CMIP: variants seen among roughly 807,000 people sequenced by gnomAD.
CMIP encodes c-Maf inducing protein.
A neutral mutation model predicts 97.3 loss-of-function variants in CMIP; 13 were observed. The ratio of observed to expected loss-of-function variants is 0.13; its 90% confidence interval spans 0.09 to 0.21. CMIP has a LOEUF of 0.21. Ranked by LOEUF, CMIP falls within the 10% of genes least tolerant of loss-of-function variation. The pLI is 1.00. For missense variants in CMIP, 847 were observed against 1,024.9 expected (o/e 0.83, Z 2.37); for synonymous variants, 538 against 436.3 (o/e 1.23, Z -2.91).
intron 3 of CMIP, among the ~76,000 whole-genome samples, chr16:81,649,687 A>G (rs1597195059): frequency 6.6e-6 from 1 of 152,360 alleles, no homozygotes; most frequent in Middle Eastern, 3.4e-3. Flanking sequence ...GAAGTCATTA[A>G]TCTTTCAAAA....
At position 81,492,947 on chromosome 16, in the gene CMIP, G is replaced by A. The variant is rs114507069; in HGVS notation, c.300+47406G>A. 2.5e-3 allele frequency among the ~76,000 whole-genome samples: 388 copies of A among 152,258 alleles called. 3 individuals are homozygous for A. Among genetic ancestry groups the A allele is most frequent in the African/African-American group, 8.9e-3 (371 of 41,544 alleles). Reference sequence around the variant, plus strand: ...AGGGAGCGGCCGAAGAGGAGGGCCCGTGAGCGAGAAGATGCAGATGCCCCT... The same window carrying A: ...AGGGAGCGGCCGAAGAGGAGGGCCCATGAGCGAGAAGATGCAGATGCCCCT... On this transcript the variant is annotated intron_variant, in intron 1 of 20. Transcript: ENST00000537098.
chr16:81,466,394 C>T (rs770823682), intron 1 of CMIP, among the ~76,000 whole-genome samples: 3 of 152,162 alleles, frequency 2.0e-5, no homozygotes, highest in African/African-American at 7.2e-5. Context: ...CTTCATTTGG[C>T]TGTTTCTTGG....
chr16:81,528,527 T>G (rs2090174495), intron 1 of CMIP, among the ~76,000 whole-genome samples: 1 of 152,226 alleles, frequency 6.6e-6, no homozygotes, highest in Admixed American at 6.5e-5. Flanking sequence ...TTTTTGCTGG[T>G]CCCAGAGAGA....
intron 1 of CMIP, among the ~76,000 whole-genome samples, chr16:81,502,982 G>T (rs1241489906): frequency 1.3e-5 from 2 of 152,180 alleles, no homozygotes; most frequent in Non-Finnish European, 2.9e-5. Flanking sequence ...ATGTTTGCGT[G>T]ATGTCGTGGG....
chr16:81,667,799 A>AGAGAGTGTGTGTGT lies in CMIP; in HGVS notation c.826-2342_826-2341insAGAGTGTGTGTGTG. Among the ~76,000 whole-genome samples, 37 of 58,136 alleles carry AGAGAGTGTGTGTGT rather than the reference A, an allele frequency of 6.4e-4. 1 individual carries two copies. Among genetic ancestry groups the AGAGAGTGTGTGTGT allele is most frequent in the Non-Finnish European group, 8.9e-4 (28 of 31,288 alleles). The allele number at this position is 58,136 out of a possible 152,430, so 38.1% of individuals were successfully genotyped here. On this transcript the variant is annotated intron_variant, in intron 7 of 20. Transcript: ENST00000537098. ...GAGAGAGAGAGAGAGAGAGAGAGAG[A>AGAGAGTGTGTGTGT]GTGTGTGTGTGTGTGTGTGTGTGTG...
intron 1 of CMIP, among the ~76,000 whole-genome samples, chr16:81,606,004 T>A (rs1034690597): frequency 6.6e-6 from 1 of 152,234 alleles, no homozygotes; most frequent in African/African-American, 2.4e-5. Flanking sequence ...CAACCCTCTC[T>A]ACCTCCACCC....
In CMIP at chr16:81,558,294, G is replaced by GCTTC. The variant is rs575653713; in HGVS notation, c.301-49271_301-49268dup. Among the ~76,000 whole-genome samples, 765 of 152,304 alleles carry GCTTC rather than the reference G, an allele frequency of 5.0e-3. 6 individuals carry two copies. The highest frequency in any genetic ancestry group is 6.5e-3 in the Non-Finnish European group (441 of 68,034). ...TCCCTCCATCAGCAGACACGAGGCT[G>GCTTC]CTTCCGCCTCTCGGCCGTTACAGAT... is the stretch of plus-strand genomic sequence containing the variant. On this transcript the variant is annotated intron_variant, in intron 1 of 20. Coordinates refer to ENST00000537098, the MANE Select transcript of CMIP (RefSeq NM_198390.3).
At chr16:81,674,017 G>A (rs959965401) in intron 9 of CMIP, among the ~76,000 whole-genome samples, 6 of 152,176 alleles carry the variant, frequency 3.9e-5, no homozygotes, top group Admixed American at 2.0e-4. Context: ...TGAGTTCTTC[G>A]GAGGGGCAGG....
chr16:81,605,841 C>T (rs1335309048), intron 1 of CMIP, among the ~76,000 whole-genome samples: 1 of 152,264 alleles, frequency 6.6e-6, no homozygotes, highest in Non-Finnish European at 1.5e-5. Flanking sequence ...GCTGAATCTC[C>T]AGCACCTAGC....
intron 1 of CMIP, among the ~76,000 whole-genome samples, chr16:81,551,439 T>C (rs2090657110): frequency 6.6e-6 from 1 of 152,204 alleles, no homozygotes; most frequent in Admixed American, 6.5e-5. Flanking sequence ...GCCACAGACA[T>C]GGCACATGGG....
At chr16:81,613,043 G>T (rs2091857526) in intron 2 of CMIP, among the ~76,000 whole-genome samples, 1 of 152,198 alleles carries the variant, frequency 6.6e-6, no homozygotes, top group Non-Finnish European at 1.5e-5. Context: ...CCTTAGAGAT[G>T]CCTGTGCTGG....
rs2092683639 is a variant in CMIP at position 81,671,619 on chromosome 16, C to T, written c.930-347C>T. Among the ~76,000 whole-genome samples, 5 of 152,296 alleles carry T rather than the reference C, an allele frequency of 3.3e-5. No individual in the cohort carries two copies. In the South Asian group the frequency reaches 1.0e-3, roughly 32 times the overall value. On this transcript the variant is annotated intron_variant, in intron 8 of 20. Coordinates refer to ENST00000537098, the MANE Select transcript of CMIP (RefSeq NM_198390.3). Reference sequence around the variant, plus strand: ...CTCTCTGTGAATTAGAAAATTTGGTCCTAACTGTACCCCAACTGAGGAGGG... The same window carrying T: ...CTCTCTGTGAATTAGAAAATTTGGTTCTAACTGTACCCCAACTGAGGAGGG...
At chr16:81,525,140 T>C (rs942911950) in intron 1 of CMIP, among the ~76,000 whole-genome samples, 1 of 151,332 alleles carries the variant, frequency 6.6e-6, no homozygotes, top group African/African-American at 2.4e-5. Flanking sequence ...TTTATTTTTA[T>C]TTTATTTGTT....
chr16:81,558,538 C>G (rs1046107174), intron 1 of CMIP, among the ~76,000 whole-genome samples: 1 of 152,230 alleles, frequency 6.6e-6, no homozygotes, highest in Non-Finnish European at 1.5e-5. Flanking sequence ...CTGCCACACA[C>G]AGGACACCGC....
intron 1 of CMIP, among the ~76,000 whole-genome samples, chr16:81,463,514 G>C (rs1337778482): frequency 2.0e-5 from 3 of 152,188 alleles, no homozygotes; most frequent in African/African-American, 7.2e-5. Context: ...GTTTTTATGA[G>C]CGTGCTGTGC....
At chr16:81,490,269 G>A (rs1230622480) in intron 1 of CMIP, among the ~76,000 whole-genome samples, 4 of 152,188 alleles carry the variant, frequency 2.6e-5, no homozygotes, top group African/African-American at 4.8e-5. Flanking sequence ...TTCTGTTCTC[G>A]TGGTCAGGAG....
intron 1 of CMIP, among the ~76,000 whole-genome samples, chr16:81,543,895 A>G (rs910056547): frequency 6.6e-6 from 1 of 152,214 alleles, no homozygotes; most frequent in African/African-American, 2.4e-5. Flanking sequence ...TCTAAAGAAG[A>G]GGGTTTACTG....
intron 1 of CMIP, among the ~76,000 whole-genome samples, chr16:81,590,536 C>T (rs2091451231): frequency 6.6e-6 from 1 of 152,196 alleles, no homozygotes; most frequent in African/African-American, 2.4e-5. Context: ...GCTTCTGGGC[C>T]ATCTGCTTTC....
chr16:81,537,712 A>AAGAAG (rs2090372037), intron 1 of CMIP, among the ~76,000 whole-genome samples: 1 of 139,872 alleles, frequency 7.1e-6, no homozygotes, highest in Non-Finnish European at 1.6e-5. Context: ...GTTGAAAGAA[A>AAGAAG]AGAAAAGAAA....
Sources: allele counts gnomAD v4.1 joint callset (sites outside exome capture counted in the v4.1 genomes callset), GRCh38; gene constraint gnomAD v4.1.1; transcripts MANE v1.5; gene names NCBI Gene and HGNC (gene_info 2026-07-23, HGNC 2026-07-21).